DHRS3: variants seen among roughly 807,000 people sequenced by gnomAD.
The protein encoded by DHRS3 is short-chain dehydrogenase/reductase 3.
Under a neutral mutation model 27.2 loss-of-function variants are expected in DHRS3, and 14 were observed. The observed-to-expected ratio is 0.52, with a 90% CI of 0.34 to 0.81. DHRS3 has a LOEUF of 0.81. DHRS3 is among the 30% of genes least tolerant of loss of function. The pLI, the probability that DHRS3 is intolerant of heterozygous loss-of-function variation, is 0.01. For synonymous variants in DHRS3, 165 were observed against 175.9 expected, an observed-to-expected ratio of 0.94 and a Z score of 0.49; for missense variants, 322 against 406.2, an observed-to-expected ratio of 0.79 and a Z score of 1.78.
chr1:12,609,462 C>T (rs1646892542), intron 1 of DHRS3, among the ~76,000 whole-genome samples: 1 of 152,188 alleles, frequency 6.6e-6, no homozygotes, highest in African/African-American at 2.4e-5. Context: ...TGCCTAGATT[C>T]TCCATTACCC....
rs562053801 is a variant in DHRS3, at chr1:12,591,800, G to A, written c.196-11134C>T. ...ACCTGCGGGAGCAAAATGACCCCACGAAACAACATATTCATTCAGTGCACA... is the reference window on the plus strand; with the variant it reads ...ACCTGCGGGAGCAAAATGACCCCACAAAACAACATATTCATTCAGTGCACA... On this transcript the variant is annotated intron_variant, in intron 1 of 5. Transcript: ENST00000616661. This position sits in a 1 kb window ranked among gnomAD's most constrained non-coding sequence, Gnocchi z 4.1. 5.3e-5 allele frequency among the ~76,000 whole-genome samples: 8 copies of A among 152,320 alleles called. No individual in the cohort carries two copies. The highest frequency in any genetic ancestry group is 4.1e-4 in the South Asian group (2 of 4,824).
intron 1 of DHRS3, among the ~76,000 whole-genome samples, chr1:12,581,339 G>A (rs1031127804): frequency 3.3e-5 from 5 of 152,316 alleles, no homozygotes; most frequent in African/African-American, 1.2e-4. Context: ...CTCTCCATTA[G>A]GAATCAGCTG....
chr1:12,581,278 T>C (rs978264735), intron 1 of DHRS3, among the ~76,000 whole-genome samples: 13 of 152,286 alleles, frequency 8.5e-5, no homozygotes, highest in Non-Finnish European at 1.8e-4. Flanking sequence ...GTTCATTTCC[T>C]GTAAATGTAG....
intron 1 of DHRS3, chr1:12,600,224 CACACACACACACACAA>C (rs1646826005): frequency 3.7e-6 from 1 of 269,606 alleles, no homozygotes; most frequent in Non-Finnish European, 5.7e-6. Flanking sequence ...TGTACACGTA[CACACACACACACACAA>C]TCACACAAAC....
chr1:12,579,397 T>G lies in DHRS3; in HGVS notation c.355A>C (p.Ile119Leu). Residue 119 changes from isoleucine to leucine, a missense_variant, in exon 3 of 6, where the codon ATC (isoleucine) becomes CTC (leucine). Coordinates refer to ENST00000616661, the MANE Select transcript of DHRS3 (RefSeq NM_004753.7). ...AVREKVGDIT[I>L]LVNNAAVVHG... is the part of the protein sequence containing the mutation. ...ACCACGGCGGCATTGTTCACCAGGA[T>G]GGTGATGTCACCCACCTGCAGGCGA... The G allele has an allele frequency of 6.2e-7, 1 of 1,614,120 alleles. No individual in the cohort carries two copies. Among genetic ancestry groups the G allele is most frequent in the South Asian group, 1.1e-5 (1 of 91,084 alleles).
chr1:12,587,058 A>G (rs1646702608), intron 1 of DHRS3, among the ~76,000 whole-genome samples: 1 of 151,836 alleles, frequency 6.6e-6, no homozygotes, highest in South Asian at 2.1e-4. Context: ...GATAAGTGAC[A>G]CGACATGGAA....
intron 5 of DHRS3, among the ~76,000 whole-genome samples, chr1:12,569,035 T>C (rs1047629145): frequency 3.9e-5 from 6 of 152,102 alleles, no homozygotes; most frequent in Non-Finnish European, 5.9e-5. Flanking sequence ...CTAGCCAACA[T>C]GGCAAAACCC....
chr1:12,568,237 G>C lies in DHRS3; in HGVS notation c.*103C>G. On this transcript the variant is annotated 3_prime_UTR_variant, in exon 6 of 6. Coordinates refer to ENST00000616661, the MANE Select transcript of DHRS3 (RefSeq NM_004753.7). The stretch of plus-strand genomic sequence containing the variant: ...CTTCGCTGGGGACAGGAGCTGTCCT[G>C]CTCACCCAGCAGAAGCATGCCAATG... 1 of 1,125,048 alleles carries C rather than the reference G, an allele frequency of 8.9e-7. No individual in the cohort carries two copies. Among genetic ancestry groups the C allele is most frequent in the Non-Finnish European group, 1.3e-6 (1 of 745,826 alleles). 69.7% of individuals were successfully genotyped at this position (1,125,048 alleles called of 1,614,324 possible). A position where few individuals can be genotyped will look rare whatever the true frequency, so the allele number is the denominator to read the frequency against.
At position 12,593,081 on chromosome 1, in the gene DHRS3, C is replaced by G. The variant is rs1183070300; in HGVS notation, c.196-12415G>C. Among the ~76,000 whole-genome samples the G allele has an allele frequency of 6.6e-6, 1 of 152,198 alleles. No individual in the cohort carries two copies. The highest frequency in any genetic ancestry group is 1.5e-5 in the Non-Finnish European group (1 of 68,050). On this transcript the variant is annotated intron_variant, in intron 1 of 5. Coordinates refer to ENST00000616661, the MANE Select transcript of DHRS3 (RefSeq NM_004753.7). The surrounding 1 kb of genome is among the most constrained non-coding windows in gnomAD (Gnocchi z 4.6). ...CCCAGGGCCCCTGCCTCAGTCTGTTCTCAACACAACAGCCAGAGATCCTTC... is the reference window on the plus strand; with the variant it reads ...CCCAGGGCCCCTGCCTCAGTCTGTTGTCAACACAACAGCCAGAGATCCTTC...
chr1:12,596,816 G>A (rs997908689), intron 1 of DHRS3, among the ~76,000 whole-genome samples: 4 of 152,154 alleles, frequency 2.6e-5, no homozygotes, highest in African/African-American at 9.7e-5. Context: ...CAAACCGCAG[G>A]GCCGGTCAGA....
intron 1 of DHRS3, chr1:12,596,442 T>C (rs1646798139): frequency 6.6e-6 from 1 of 152,342 alleles, no homozygotes; most frequent in East Asian, 1.9e-4. Flanking sequence ...CAAAGCCTGG[T>C]TGGGGGGTTG....
chr1:12,600,368 C>A, intron 1 of DHRS3: 1 of 985,418 alleles, frequency 1.0e-6, no homozygotes, highest in Non-Finnish European at 1.2e-6. Flanking sequence ...GACCTTGTGT[C>A]TTGCCATCCC....
intron 1 of DHRS3, among the ~76,000 whole-genome samples, chr1:12,613,526 T>C (rs1206937977): frequency 6.6e-6 from 1 of 152,198 alleles, no homozygotes; most frequent in Non-Finnish European, 1.5e-5. Context: ...CTTATAAGCT[T>C]GGGCTGGCCC....
intron 4 of DHRS3, among the ~76,000 whole-genome samples, chr1:12,576,974 T>G (rs1646594039): frequency 6.6e-6 from 1 of 151,510 alleles, no homozygotes; most frequent in Admixed American, 6.6e-5. Context: ...CCAAGCCCGG[T>G]ATTTTTGATT....
intron 5 of DHRS3, among the ~76,000 whole-genome samples, chr1:12,569,233 A>T (rs7547143): frequency 0.22 from 22,232 of 102,708 alleles, 1,838 homozygotes; most frequent in Admixed American, 0.3. Context: ...TCTCTCTCTC[A>T]CACACACACA....
At chr1:12,572,970 G>C (rs1243811631) in intron 4 of DHRS3, 117 bp from the exon 5 acceptor site, 1 of 1,314,548 alleles carries the variant, frequency 7.6e-7, no homozygotes, top group Non-Finnish European at 1.0e-6. Context: ...TGAGAGATTC[G>C]AGGCCTGCTT....
chr1:12,603,733 C>T lies in DHRS3; in HGVS notation c.195+13421G>A, dbSNP rs1044742568. The stretch of plus-strand genomic sequence containing the variant: ...CATACGCTTCACTCATCAAAATCCC[C>T]GAAAGGCTGCTGAAAAGAGGATTTA... On this transcript the variant is annotated intron_variant, in intron 1 of 5. Coordinates refer to ENST00000616661, the MANE Select transcript of DHRS3 (RefSeq NM_004753.7). 4.6e-5 allele frequency among the ~76,000 whole-genome samples: 7 copies of T among 152,188 alleles called. No individual in the cohort carries two copies. The East Asian group carries it at 5.8e-4, about 13-fold the overall frequency.
chr1:12,602,480 G>A (rs937269194), intron 1 of DHRS3, among the ~76,000 whole-genome samples: 23 of 152,162 alleles, frequency 1.5e-4, no homozygotes, highest in Admixed American at 7.2e-4. Flanking sequence ...TCTGCTTCCC[G>A]GGGGAGTCCC....
chr1:12,602,983 A>T, intron 1 of DHRS3, among the ~76,000 whole-genome samples: 1 of 152,182 alleles, frequency 6.6e-6, no homozygotes, highest in Non-Finnish European at 1.5e-5. Flanking sequence ...GGTGCTTTGG[A>T]GGCAGGGAGG....
Sources: gnomAD v4.1 joint callset for allele counts (sites outside exome capture counted in the v4.1 genomes callset) on GRCh38, gnomAD v4.1.1 for gene constraint, Gnocchi (gnomAD v3.1) non-coding constraint, MANE v1.5 for transcripts, NCBI Gene and HGNC (gene_info 2026-07-23, HGNC 2026-07-21) for gene names.